Variants in ABCA3 observed in about 807,000 individuals in gnomAD.
ABCA3 encodes the protein ATP binding cassette subfamily A member 3.
A neutral mutation model predicts 172.8 loss-of-function variants in ABCA3; 88 were observed. The ratio of observed to expected loss-of-function variants is 0.51; its 90% CI spans 0.43 to 0.61. The LOEUF (loss-of-function observed/expected upper bound fraction) is 0.61, where lower values mean the gene tolerates loss of function less well. Among genes scored for constraint, ABCA3 ranks in the 20% least tolerant of loss-of-function variants. The pLI, the probability that ABCA3 is intolerant of heterozygous loss-of-function variation, is 0.00. For missense variants in ABCA3, 2,164 were observed against 2,301.0 expected (o/e 0.94, Z 1.22); for synonymous variants, 1,066 against 983.8 (o/e 1.08, Z -1.56).
intron 12 of ABCA3, among the ~76,000 whole-genome samples, chr16:2,301,141 G>A (rs1273757116): frequency 6.7e-6 from 1 of 150,000 alleles, no homozygotes; most frequent in Non-Finnish European, 1.5e-5. Flanking sequence ...TGAGGCAGGA[G>A]AATGGCGTGA....
rs2014467 is a variant in ABCA3, at chr16:2,286,393, T to C, written c.3278+301A>G. 0.27 allele frequency among the ~76,000 whole-genome samples: 40,799 copies of C among 152,102 alleles called. 6,958 individuals carry two copies. Among genetic ancestry groups the C allele is most frequent in the East Asian group, 0.52 (2,696 of 5,164 alleles). On this transcript the variant is annotated intron_variant, in intron 22 of 32. Transcript: ENST00000301732. The surrounding 1 kb of genome is among the most constrained non-coding windows in gnomAD (Gnocchi z 5.2). ...GGTCACACTGCTGGAGAGAGCAGTGTGGAGCGAGGACAGTGGCTGACAGGA... is the reference window on the plus strand; with the variant it reads ...GGTCACACTGCTGGAGAGAGCAGTGCGGAGCGAGGACAGTGGCTGACAGGA...
Position 2,278,238 on chromosome 16 carries a change from T to C in ABCA3, c.4718+50A>G. 1.9e-6 allele frequency: 3 copies of C among 1,602,640 alleles called. No homozygotes were observed. Among genetic ancestry groups the C allele is most frequent in the Non-Finnish European group, 2.5e-6 (3 of 1,179,794 alleles). Reference sequence around the variant, plus strand: ...GTCTCCTGGCCACCTGGCTCCTCCATGGCCCACCCGGTGCTGAAACTTCCA... The same window carrying C: ...GTCTCCTGGCCACCTGGCTCCTCCACGGCCCACCCGGTGCTGAAACTTCCA... On this transcript the variant is annotated intron_variant, in intron 30 of 32. Transcript: ENST00000301732. The surrounding 1 kb of genome is among the most constrained non-coding windows in gnomAD (Gnocchi z 4.4).
In ABCA3 at chr16:2,339,695, C is replaced by A. The variant is rs940752437; in HGVS notation, c.-539+878G>T. Among the ~76,000 whole-genome samples, 39 of 152,248 alleles carry A rather than the reference C, an allele frequency of 2.6e-4. 1 individual carries two copies. The highest frequency in any genetic ancestry group is 1.5e-5 in the Non-Finnish European group (1 of 68,044). ...GGAGTTCCAGGAACACAAACCCCAACAAGATCCAATCGACGCCTTCCCGGA... is the reference window on the plus strand; with the variant it reads ...GGAGTTCCAGGAACACAAACCCCAAAAAGATCCAATCGACGCCTTCCCGGA... On this transcript the variant is annotated intron_variant, in intron 1 of 32. Transcript: ENST00000301732.
At position 2,297,612 on chromosome 16, in the gene ABCA3, C is replaced by G. The variant is rs1380772914; in HGVS notation, c.2053-73G>C. The G allele has an allele frequency of 3.8e-6, 6 of 1,597,106 alleles. No individual in the cohort carries two copies. The highest frequency in any genetic ancestry group is 5.1e-6 in the Non-Finnish European group (6 of 1,172,602). ...GGCCCAGGCTGGCCTTGCGGTAGGCCCCATCGAGGGGTTCGCGGAGCCGGC... is the reference window on the plus strand; with the variant it reads ...GGCCCAGGCTGGCCTTGCGGTAGGCGCCATCGAGGGGTTCGCGGAGCCGGC... On this transcript the variant is annotated intron_variant, in intron 16 of 32. Coordinates refer to ENST00000301732, the MANE Select transcript of ABCA3 (RefSeq NM_001089.3). This position sits in a 1 kb window ranked among gnomAD's most constrained non-coding sequence, Gnocchi z 5.6.
At chr16:2,309,866 C>T (rs892307158) in intron 10 of ABCA3, among the ~76,000 whole-genome samples, 1 of 151,930 alleles carries the variant, frequency 6.6e-6, no homozygotes, top group African/African-American at 2.4e-5. Context: ...GGGATCCTCC[C>T]GCCCTGGCCT....
intron 6 of ABCA3, 135 bp downstream of exon 6, chr16:2,324,269 G>T: frequency 7.7e-7 from 1 of 1,295,124 alleles, no homozygotes; most frequent in Non-Finnish European, 1.1e-6. Context: ...ACCCAAAGGA[G>T]TGACTGCTAT....
chr16:2,305,929 A>C (rs751960378), intron 11 of ABCA3, among the ~76,000 whole-genome samples: 35 of 152,186 alleles, frequency 2.3e-4, no homozygotes, highest in Non-Finnish European at 4.6e-4. Context: ...CCAACATTGC[A>C]GTCCTGACAG....
At position 2,286,932 on chromosome 16, in the gene ABCA3, C is replaced by A; in HGVS notation, c.3040G>T (p.Val1014Leu). 6.2e-7 allele frequency: 1 copy of A among 1,613,888 alleles called. No individual in the cohort carries two copies. Among genetic ancestry groups the A allele is most frequent in the Non-Finnish European group, 8.5e-7 (1 of 1,179,988 alleles). ...LEEFLIFRAS[V>L]EGGGFNERCL... is the part of the protein sequence containing the mutation. ...CGCTCATTAAAGCCGCCCCCCTCCA[C>A]AGAAGCCCTGAAGATCAAGAACTCC... The change falls in exon 22 of 33, where the codon GTG becomes TTG. Residue 1014 changes from valine (V) to leucine (L), a missense_variant. Around this residue, in one of 3 missense-constraint regions of ABCA3, gnomAD observed 1,343 missense variants for 1,369.6 expected, o/e 0.98. Coordinates refer to ENST00000301732, the MANE Select transcript of ABCA3 (RefSeq NM_001089.3). This position sits in a 1 kb window ranked among gnomAD's most constrained non-coding sequence, Gnocchi z 5.2.
rs756995269 is a variant in ABCA3 at position 2,276,581 on chromosome 16, A to G, written c.*93T>C. 407 of 1,567,728 alleles carry G rather than the reference A, an allele frequency of 2.6e-4. No homozygotes were observed. Among genetic ancestry groups the G allele is most frequent in the Middle Eastern group, 4.3e-4 (2 of 4,622 alleles). ...CCATCATAGAAAAAAGTGATTAAAA[A>G]TAAAGGATGAGATAAACTTGGAGAG... On this transcript the variant is annotated 3_prime_UTR_variant, in exon 33 of 33. Transcript: ENST00000301732.
Position 2,297,554 on chromosome 16 carries a change from A to G in ABCA3, c.2053-15T>C. 2.5e-6 allele frequency: 4 copies of G among 1,611,174 alleles called. No homozygotes were observed. Among genetic ancestry groups the G allele is most frequent in the Non-Finnish European group, 3.4e-6 (4 of 1,179,720 alleles). The stretch of plus-strand genomic sequence containing the variant: ...AGTATCAGCACCTGGAGGGAGAGAC[A>G]CAGTCTCGCGACGCTGGTAGAGCCA... On this transcript the variant is annotated splice_polypyrimidine_tract_variant and intron_variant, in intron 16 of 32. Coordinates refer to ENST00000301732, the MANE Select transcript of ABCA3 (RefSeq NM_001089.3). The surrounding 1 kb of genome is among the most constrained non-coding windows in gnomAD (Gnocchi z 5.6).
intron 18 of ABCA3, among the ~76,000 whole-genome samples, chr16:2,293,539 G>GTTT (rs1171254786): frequency 3.8e-5 from 5 of 130,926 alleles, no homozygotes; most frequent in Admixed American, 7.7e-5. Flanking sequence ...ACGTGGCTAA[G>GTTT]TTTTTTTTTT....
At chr16:2,298,614 C>A in intron 14 of ABCA3, 74 bp from the exon 15 acceptor site, 1 of 1,560,034 alleles carries the variant, frequency 6.4e-7, no homozygotes, top group Non-Finnish European at 8.7e-7. Flanking sequence ...TGACCCCCCA[C>A]CCCCTCTCTG....
At position 2,317,727 on chromosome 16, in the gene ABCA3, T is replaced by C. The variant is rs2093718502; in HGVS notation, c.911A>G (p.His304Arg). ...MRMMGLSSWL[H>R]WSAWFLLFFL... ...GAACAAGAGGAACCAGGCACTCCAG[T>C]GCAGCCAGCTGCTGAGCCCCATCAT... The change falls in exon 9 of 33, where the codon CAC (histidine) becomes CGC (arginine). Residue 304 changes from histidine (H) to arginine (R), a missense_variant. His to Arg is a conservative substitution (Grantham distance 29, BLOSUM62 0). Transcript: ENST00000301732. The C allele has an allele frequency of 6.2e-7, 1 of 1,614,084 alleles. No homozygotes were observed.
intron 13 of ABCA3, 81 bp downstream of exon 13, chr16:2,299,924 A>G: frequency 6.3e-7 from 1 of 1,583,298 alleles, no homozygotes; most frequent in Non-Finnish European, 8.6e-7. Flanking sequence ...CTGACGGGCT[A>G]TGAGGTCTCA....
At chr16:2,294,396 A>C (rs2093676723) in intron 18 of ABCA3, among the ~76,000 whole-genome samples, 1 of 152,108 alleles carries the variant, frequency 6.6e-6, no homozygotes. Flanking sequence ...CATTAAGTAC[A>C]AAATCTAGGC....
intron 1 of ABCA3, among the ~76,000 whole-genome samples, chr16:2,338,978 A>G (rs1011420342): frequency 1.3e-5 from 2 of 151,428 alleles, no homozygotes; most frequent in Admixed American, 6.6e-5. Context: ...CTGGTCTCGA[A>G]CTCCTGAACT....
At chr16:2,329,301 T>C (rs2093739444) in intron 2 of ABCA3, among the ~76,000 whole-genome samples, 1 of 152,046 alleles carries the variant, frequency 6.6e-6, no homozygotes, top group South Asian at 2.1e-4. Flanking sequence ...AGATACACAT[T>C]AAGGCCTGTG....
chr16:2,287,991 C>A lies in ABCA3; in HGVS notation c.3004+35G>T. On this transcript the variant is annotated intron_variant, in intron 21 of 32. Coordinates refer to ENST00000301732, the MANE Select transcript of ABCA3 (RefSeq NM_001089.3). The surrounding 1 kb of genome is among the most constrained non-coding windows in gnomAD (Gnocchi z 4.1). Reference sequence around the variant, plus strand: ...GAACTCTGGCTGCAGGACTGGCCCCCGATGCCCCCGTCCCGCCCCCGGGAT... The same window carrying A: ...GAACTCTGGCTGCAGGACTGGCCCCAGATGCCCCCGTCCCGCCCCCGGGAT... The A allele has an allele frequency of 6.3e-7, 1 of 1,596,028 alleles. No homozygotes were observed. The highest frequency in any genetic ancestry group is 1.1e-5 in the South Asian group (1 of 90,870).
At chr16:2,302,287 G>T (rs1009093952) in intron 12 of ABCA3, among the ~76,000 whole-genome samples, 6 of 152,134 alleles carry the variant, frequency 3.9e-5, no homozygotes, top group South Asian at 2.1e-4. Flanking sequence ...CTCCCCGACC[G>T]AGCTGGTCTC....
Sources: gnomAD v4.1 joint callset for allele counts (sites outside exome capture counted in the v4.1 genomes callset) on GRCh38, gnomAD v4.1.1 for gene constraint, gnomAD v4.1.1 regional missense constraint, Gnocchi (gnomAD v3.1) non-coding constraint, MANE v1.5 for transcripts, NCBI Gene and HGNC (gene_info 2026-07-23, HGNC 2026-07-21) for gene names.